Variants in ABCA12 observed in about 807,000 individuals in gnomAD.
ABCA12 encodes glucosylceramide transporter ABCA12.
Under a neutral mutation model 293.5 loss-of-function variants are expected in ABCA12, and 156 were observed. The ratio of observed to expected loss-of-function variants is 0.53; its 90% CI spans 0.47 to 0.61. ABCA12 has a LOEUF of 0.61. Ranked by LOEUF, ABCA12 falls within the 20% of genes least tolerant of loss-of-function variation. ABCA12 has a pLI of 0.00. For missense variants in ABCA12, 2,797 were observed against 3,090.2 expected (o/e 0.91, Z 2.25); for synonymous variants, 1,063 against 1,108.0 (o/e 0.96, Z 0.81).
chr2:214,992,079 G>C (rs937746656), intron 23 of ABCA12, among the ~76,000 whole-genome samples: 1 of 151,980 alleles, frequency 6.6e-6, no homozygotes, highest in African/African-American at 2.4e-5. Flanking sequence ...CCTGGACCTT[G>C]GTTTGGTTGA....
intron 9 of ABCA12, 89 bp from the exon 10 acceptor site, chr2:215,027,027 C>T: frequency 1.0e-6 from 1 of 964,550 alleles, no homozygotes; most frequent in Non-Finnish European, 1.7e-6. Flanking sequence ...CCTTGTTTGG[C>T]ATTGGTTGAC....
chr2:214,982,488 G>A, intron 29 of ABCA12, 105 bp from the exon 30 acceptor site: 2 of 886,122 alleles, frequency 2.3e-6, no homozygotes, highest in Non-Finnish European at 3.6e-6. Context: ...TAACTATTAT[G>A]TGCTCAGTAA....
chr2:215,051,795 A>G (rs890583355), intron 5 of ABCA12, among the ~76,000 whole-genome samples: 1 of 152,048 alleles, frequency 6.6e-6, no homozygotes, highest in African/African-American at 2.4e-5. Context: ...CCAGCCAAAT[A>G]ACTTAAATAT....
intron 2 of ABCA12, among the ~76,000 whole-genome samples, chr2:215,094,275 G>T (rs1702205696): frequency 6.6e-6 from 1 of 152,208 alleles, no homozygotes; most frequent in African/African-American, 2.4e-5. Flanking sequence ...AAAGGAAGAT[G>T]GAGTACTTCA....
chr2:215,083,057 G>A (rs1259836903), intron 2 of ABCA12, among the ~76,000 whole-genome samples: 1 of 152,188 alleles, frequency 6.6e-6, no homozygotes, highest in Non-Finnish European at 1.5e-5. Context: ...TATATTGTGT[G>A]AGCTGAAAGC....
At chr2:215,093,748 C>T (rs941014341) in intron 2 of ABCA12, among the ~76,000 whole-genome samples, 1 of 152,216 alleles carries the variant, frequency 6.6e-6, no homozygotes, top group Non-Finnish European at 1.5e-5. Context: ...CCCCCTGGCT[C>T]CTTCAGCTGT....
At chr2:214,953,680 A>G (rs1223943294) in intron 44 of ABCA12, among the ~76,000 whole-genome samples, 174 bp downstream of exon 44, 1 of 152,236 alleles carries the variant, frequency 6.6e-6, no homozygotes, top group African/African-American at 2.4e-5. Flanking sequence ...TTAAGATTTG[A>G]TAACTACTTA....
chr2:215,041,027 T>C (rs1386864411), intron 7 of ABCA12, among the ~76,000 whole-genome samples: 3 of 152,104 alleles, frequency 2.0e-5, no homozygotes, highest in African/African-American at 4.8e-5. Flanking sequence ...AATAAAAGTA[T>C]ATTAAATACA....
Position 215,010,353 on chromosome 2 carries a change from A to G in ABCA12, c.2450T>C (p.Val817Ala). 6.2e-7 allele frequency: 1 copy of G among 1,613,802 alleles called. No homozygotes were observed. The highest frequency in any genetic ancestry group is 8.5e-7 in the Non-Finnish European group (1 of 1,179,748). ...GRILYAPYNP[V>A]TKAIMEKSNV... is the part of the protein sequence containing the mutation. Reference sequence around the variant, plus strand: ...AACCTTTTCCATTATTGCCTTTGTGACTGGGTTATATGGTGCATACAAAAT... The same window carrying G: ...AACCTTTTCCATTATTGCCTTTGTGGCTGGGTTATATGGTGCATACAAAAT... The change falls in exon 18 of 53, where the codon GTC (valine) becomes GCC (alanine). Residue 817 changes from valine (V) to alanine (A), a missense_variant. This residue lies in a region of ABCA12 where 2,130 missense variants were observed against 2,427.0 expected (regional missense o/e 0.88). Transcript: ENST00000272895.
chr2:214,937,697 A>G, intron 50 of ABCA12, 82 bp from the exon 51 acceptor site: 1 of 945,780 alleles, frequency 1.1e-6, no homozygotes, highest in Non-Finnish European at 1.7e-6. Flanking sequence ...ATGAAACAGG[A>G]CCCAAGCCAA....
At chr2:214,959,258 T>C (rs10498029) in intron 39 of ABCA12, among the ~76,000 whole-genome samples, 180 bp from the exon 40 acceptor site, 52,043 of 151,866 alleles carry the variant, frequency 0.34, 9,675 homozygotes, top group South Asian at 0.48. Context: ...GCCATACAAT[T>C]GGTGGCACTC....
chr2:215,062,400 T>C lies in ABCA12; in HGVS notation c.317+1666A>G, dbSNP rs1176661053. Among the ~76,000 whole-genome samples, 3 of 152,008 alleles carry C rather than the reference T, an allele frequency of 2.0e-5. No homozygotes were observed. The East Asian group carries it at 5.8e-4, about 29-fold the overall frequency. On this transcript the variant is annotated intron_variant, in intron 3 of 52. Transcript: ENST00000272895. ...AATTGCACACCGGTGCTCATTGAGG[T>C]CATGCTTGTATATGCCTAGAACTGT...
At chr2:214,974,638 G>A (rs1194773982) in intron 35 of ABCA12, 140 bp downstream of exon 35, 1 of 805,778 alleles carries the variant, frequency 1.2e-6, no homozygotes, top group African/African-American at 1.7e-5. Context: ...AAAGGAGATA[G>A]ACAAAATCTG....
chr2:215,020,237 G>A (rs1700598111), intron 11 of ABCA12, among the ~76,000 whole-genome samples: 1 of 151,246 alleles, frequency 6.6e-6, no homozygotes. Context: ...AATAACAAGT[G>A]TTGGAGAAGA....
intron 8 of ABCA12, chr2:215,032,401 CT>C (rs1211110136): frequency 5.4e-6 from 1 of 186,322 alleles, no homozygotes; most frequent in African/African-American, 2.4e-5. Context: ...TTGAATGCAG[CT>C]GTGAATGCAA....
chr2:214,943,719 T>C (rs1342376063), intron 49 of ABCA12, among the ~76,000 whole-genome samples: 1 of 152,160 alleles, frequency 6.6e-6, no homozygotes, highest in Non-Finnish European at 1.5e-5. Context: ...GGCTTTCCTA[T>C]TTTTGGATTT....
chr2:215,019,257 A>G, intron 13 of ABCA12, 79 bp downstream of exon 13: 1 of 1,382,286 alleles, frequency 7.2e-7, no homozygotes, highest in South Asian at 1.2e-5. Flanking sequence ...GGGAACTTCA[A>G]AAAAGCTTTC....
intron 50 of ABCA12, among the ~76,000 whole-genome samples, chr2:214,938,072 A>G (rs1326604749): frequency 2.6e-5 from 4 of 152,086 alleles, no homozygotes; most frequent in Admixed American, 2.6e-4. Flanking sequence ...CATCATCTAC[A>G]TTAGGTATTT....
chr2:215,064,992 A>T (rs967928439), intron 2 of ABCA12, among the ~76,000 whole-genome samples: 10 of 151,912 alleles, frequency 6.6e-5, no homozygotes, highest in Admixed American at 2.0e-4. Context: ...CCGTTTAAAA[A>T]CCAATAGTGA....
Sources: allele counts gnomAD v4.1 joint callset (sites outside exome capture counted in the v4.1 genomes callset), GRCh38; gene constraint gnomAD v4.1.1; regional missense constraint gnomAD v4.1.1; transcripts MANE v1.5; gene names NCBI Gene and HGNC (gene_info 2026-07-23, HGNC 2026-07-21).